The following MYOM2 variants were observed in gnomAD, a reference collection of about 807,000 sequenced individuals.
The protein encoded by MYOM2 is myomesin 2.
A neutral mutation model predicts 187.6 loss-of-function variants in MYOM2; 254 were observed. The observed-to-expected ratio is 1.35, with a 90% CI of 1.22 to 1.50. The LOEUF is 1.50. MYOM2 is among the 40% of genes most tolerant of loss of function. The pLI, the probability that MYOM2 is intolerant of heterozygous loss-of-function variation, is 0.00. For missense variants in MYOM2, 2,796 were observed against 1,924.0 expected (o/e 1.45, Z -8.48); for synonymous variants, 981 against 753.8 (o/e 1.30, Z -4.94).
At chr8:2,140,333 A>C (rs1325207802) in intron 32 of MYOM2, among the ~76,000 whole-genome samples, 2 of 151,850 alleles carry the variant, frequency 1.3e-5, no homozygotes, top group African/African-American at 4.8e-5. Context: ...CGATACTACG[A>C]AGGATGTAGG....
chr8:2,100,971 G>T lies in MYOM2; in HGVS notation c.2536G>T (p.Gly846Ter). Residue 846 changes from glycine to a stop codon, truncating the protein, a stop_gained, in exon 20 of 37, where the codon GGA becomes TGA. Transcript: ENST00000262113. LOFTEE classifies it high-confidence loss of function. Reference protein sequence around the residue: ...PVYSGSSPVSGYFVDFREEDA... With the variant: ...PVYSGSSPVS Reference sequence around the variant, plus strand: ...GTACTCCGGCAGCAGCCCTGTTTCTGGATATTTCGTGGACTTCAGGGAGGA... The same window carrying T: ...GTACTCCGGCAGCAGCCCTGTTTCTTGATATTTCGTGGACTTCAGGGAGGA... 6.2e-7 allele frequency: 1 copy of T among 1,614,184 alleles called. No homozygotes were observed. Among genetic ancestry groups the T allele is most frequent in the Non-Finnish European group, 8.5e-7 (1 of 1,180,032 alleles).
rs1345062031 is a variant in MYOM2 at position 2,098,905 on chromosome 8, G to A, written c.2362G>A (p.Val788Ile). ...GSLYEFKIAA[V>I]NLAGIGEPSD... Reference sequence around the variant, plus strand: ...ACTCTACGAGTTCAAAATCGCCGCCGTCAACCTGGCCGGCATCGGGGAGCC... The same window carrying A: ...ACTCTACGAGTTCAAAATCGCCGCCATCAACCTGGCCGGCATCGGGGAGCC... The change falls in exon 19 of 37, where the codon GTC (valine) becomes ATC (isoleucine). Residue 788 changes from valine to isoleucine, a missense_variant. Transcript: ENST00000262113. The A allele has an allele frequency of 1.3e-5, 21 of 1,613,056 alleles. No individual in the cohort carries two copies. The highest frequency in any genetic ancestry group is 1.6e-4 in the Middle Eastern group (1 of 6,080).
rs1421998425 is a variant in MYOM2, at chr8:2,076,264, T to C, written c.1244T>C (p.Met415Thr). 4 of 1,613,614 alleles carry C rather than the reference T, an allele frequency of 2.5e-6. No individual in the cohort carries two copies. Among genetic ancestry groups the C allele is most frequent in the East Asian group, 2.2e-5 (1 of 44,888 alleles). The change falls in exon 11 of 37, where the codon ATG becomes ACG. Residue 415 changes from methionine to threonine, a missense_variant. Transcript: ENST00000262113. ...AACACCACCACTGAGAGCCCCGTCA[T>C]GGGCTATTTTGTGGACCGGTGAGCG... ...PPNTTTESPV[M>T]GYFVDRCEVG...
intron 25 of MYOM2, among the ~76,000 whole-genome samples, chr8:2,112,727 C>G (rs967475102): frequency 5.9e-5 from 9 of 152,188 alleles, no homozygotes; most frequent in African/African-American, 2.2e-4. Context: ...AATATCAAAA[C>G]AGAAATGTAA....
intron 6 of MYOM2, among the ~76,000 whole-genome samples, chr8:2,065,959 A>T (rs1392507906): frequency 1.3e-5 from 2 of 152,210 alleles, no homozygotes; most frequent in African/African-American, 4.8e-5. Context: ...CGTGGGGCGC[A>T]GTGTGAACGC....
rs372453398 is a variant in MYOM2, at chr8:2,108,850, T to G, written c.3043+20T>G. On this transcript the variant is annotated intron_variant, in intron 24 of 36. Transcript: ENST00000262113. ...ACCCCAGTAAGTAAGCCTCCAGCCC[T>G]TCCCCTCTGCTTGCAGCTGCTGGCT... The G allele has an allele frequency of 6.2e-7, 1 of 1,612,830 alleles. No homozygotes were observed. Among genetic ancestry groups the G allele is most frequent in the African/African-American group, 1.3e-5 (1 of 74,892 alleles).
intron 5 of MYOM2, among the ~76,000 whole-genome samples, chr8:2,058,747 G>A (rs761690062): frequency 2.6e-4 from 39 of 152,244 alleles, no homozygotes; most frequent in Middle Eastern, 3.4e-3. Context: ...CTCCTGGATG[G>A]AGCCATGAAG....
chr8:2,092,590 C>T (rs1796345592), intron 16 of MYOM2, 70 bp downstream of exon 16: 1 of 1,495,662 alleles, frequency 6.7e-7, no homozygotes, highest in Admixed American at 2.0e-5. Context: ...TCCCTGTGGC[C>T]CTGGCACAGG....
chr8:2,092,220 G>A lies in MYOM2; in HGVS notation c.1829-126G>A, dbSNP rs541805379. On this transcript the variant is annotated intron_variant, in intron 15 of 36. Coordinates refer to ENST00000262113, the MANE Select transcript of MYOM2 (RefSeq NM_003970.4). ...CTCCTCTCCTACTCCTGGACCCCTT[G>A]TCTGAATTTCTTCCAAAGCCCCCAG... 606 of 1,159,330 alleles carry A rather than the reference G, an allele frequency of 5.2e-4. 3 individuals are homozygous for A. The African/African-American group carries it at 6.1e-3, about 12-fold the overall frequency. 71.8% of individuals were successfully genotyped at this position (1,159,330 alleles called of 1,614,324 possible).
chr8:2,134,990 A>G (rs778138998), intron 32 of MYOM2, among the ~76,000 whole-genome samples: 48 of 152,218 alleles, frequency 3.2e-4, no homozygotes, highest in Middle Eastern at 6.8e-3. Context: ...ACGGAGGCAC[A>G]CACTCGCTCA....
chr8:2,091,016 C>CTTTTTTTTTTTTTTT (rs35873643), intron 15 of MYOM2, among the ~76,000 whole-genome samples: 7 of 86,510 alleles, frequency 8.1e-5, no homozygotes, highest in Non-Finnish European at 1.0e-4. Flanking sequence ...AATGATAGTT[C>CTTTTTTTTTTTTTTT]TTTTTTTTTT....
At chr8:2,060,328 A>C (rs907641828) in intron 6 of MYOM2, among the ~76,000 whole-genome samples, 2 of 152,158 alleles carry the variant, frequency 1.3e-5, no homozygotes, top group Non-Finnish European at 2.9e-5. Context: ...AATTATCAAG[A>C]GACAGATAGT....
At chr8:2,110,506 G>A (rs1251255292) in intron 25 of MYOM2, among the ~76,000 whole-genome samples, 2 of 152,178 alleles carry the variant, frequency 1.3e-5, no homozygotes, top group South Asian at 4.1e-4. Context: ...AGCGTGCCTG[G>A]GACCCGGTTA....
chr8:2,129,058 G>A (rs1165433667), intron 31 of MYOM2, 69 bp from the exon 32 acceptor site: 12 of 1,200,400 alleles, frequency 1.0e-5, no homozygotes, highest in Middle Eastern at 4.1e-4. Flanking sequence ...GCTTGCCGCC[G>A]CGATGCTTTC....
chr8:2,096,018 G>A (rs1214624958), intron 17 of MYOM2, among the ~76,000 whole-genome samples: 2 of 152,154 alleles, frequency 1.3e-5, no homozygotes, highest in African/African-American at 2.4e-5. Context: ...CTTAGAAATA[G>A]CAATACATAT....
At position 2,076,202 on chromosome 8, in the gene MYOM2, C is replaced by A; in HGVS notation, c.1182C>A (p.Ala394=). 6.2e-7 allele frequency: 1 copy of A among 1,613,598 alleles called. No individual in the cohort carries two copies. Among genetic ancestry groups the A allele is most frequent in the Non-Finnish European group, 8.5e-7 (1 of 1,179,922 alleles). ...CCATGGACTTGCAGTGCCACGACGC[C>A]AACCGGGACTACGTCATCGTGACCT... ...GAPMDLQCHD[A]NRDYVIVTWK... The change falls in exon 11 of 37, where the codon GCC becomes GCA. Residue 394 remains alanine (A), a synonymous_variant. Coordinates refer to ENST00000262113, the MANE Select transcript of MYOM2 (RefSeq NM_003970.4).
chr8:2,143,353 G>C lies in MYOM2; in HGVS notation c.4025-48G>C, dbSNP rs765583793. On this transcript the variant is annotated intron_variant, in intron 35 of 36. Transcript: ENST00000262113. ...CTGCTTACATGGCTCCTGCTCCGTG[G>C]GAACGTCCCGCAGATGTTTTCCTAA... The C allele has an allele frequency of 1.2e-5, 19 of 1,612,038 alleles. 1 individual carries two copies. In the South Asian group the frequency reaches 2.1e-4, roughly 18 times the overall value.
intron 17 of MYOM2, among the ~76,000 whole-genome samples, chr8:2,095,307 T>C (rs1796441146): frequency 6.6e-6 from 1 of 151,772 alleles, no homozygotes. Context: ...TTTTTTTTTT[T>C]TCGACGTAGA....
chr8:2,133,400 A>T (rs1019287495), intron 32 of MYOM2, among the ~76,000 whole-genome samples: 7 of 151,856 alleles, frequency 4.6e-5, no homozygotes, highest in Non-Finnish European at 8.8e-5. Flanking sequence ...CGCTATTGAA[A>T]CCTTCAGTGG....
Sources: gnomAD v4.1 joint callset for allele counts (sites outside exome capture counted in the v4.1 genomes callset) on GRCh38, gnomAD v4.1.1 for gene constraint, MANE v1.5 for transcripts, NCBI Gene and HGNC (gene_info 2026-07-23, HGNC 2026-07-21) for gene names.